SV2C: variants seen among roughly 807,000 people sequenced by gnomAD.
SV2C encodes synaptic vesicle glycoprotein 2C.
Under a neutral mutation model 79.7 loss-of-function variants are expected in SV2C, and 49 were observed. That is an observed-to-expected ratio of 0.61 (90% confidence interval 0.49 to 0.78). The LOEUF (loss-of-function observed/expected upper bound fraction) is 0.78. Ranked by LOEUF, SV2C falls within the 30% of genes least tolerant of loss-of-function variation. The pLI, the probability that SV2C is intolerant of heterozygous loss-of-function variation, is 0.00. For synonymous variants in SV2C, 334 were observed against 333.2 expected (o/e 1.00, Z -0.03); for missense variants, 833 against 912.9 (o/e 0.91, Z 1.13).
intron 1 of SV2C, among the ~76,000 whole-genome samples, chr5:76,100,898 C>G (rs991931279): frequency 3.3e-5 from 5 of 152,212 alleles, no homozygotes; most frequent in African/African-American, 9.6e-5. Flanking sequence ...ATGACAGTAG[C>G]ATTTTCCCCT....
chr5:76,065,200 T>G, the SV2C span, among the ~76,000 whole-genome samples: 1 of 152,230 alleles, frequency 6.6e-6, no homozygotes, highest in Non-Finnish European at 1.5e-5. Flanking sequence ...GAAACTTTTG[T>G]GGTTTTTAAA....
intron 2 of SV2C, among the ~76,000 whole-genome samples, chr5:76,154,146 C>T (rs1742653214): frequency 6.6e-6 from 1 of 152,190 alleles, no homozygotes; most frequent in South Asian, 2.1e-4. Flanking sequence ...ATCAATACAT[C>T]TCCCACTCAT....
the SV2C span, among the ~76,000 whole-genome samples, chr5:75,952,794 A>G: frequency 1.3e-5 from 2 of 151,980 alleles, no homozygotes; most frequent in Non-Finnish European, 2.9e-5. Flanking sequence ...TTTCTTTATA[A>G]TTACCCAGCC....
chr5:75,995,120 T>C, the SV2C span, among the ~76,000 whole-genome samples: 1 of 152,130 alleles, frequency 6.6e-6, no homozygotes, highest in Non-Finnish European at 1.5e-5. Flanking sequence ...GATTGGATGA[T>C]GCCTGCCTGC....
intron 4 of SV2C, among the ~76,000 whole-genome samples, chr5:76,219,153 C>G (rs1744991073): frequency 6.6e-6 from 1 of 152,164 alleles, no homozygotes; most frequent in South Asian, 2.1e-4. Context: ...GAGCCCTGTC[C>G]TCTCATCCTT....
chr5:76,238,045 CACACACACACACACACACACAT>C (rs1275639233), intron 4 of SV2C, among the ~76,000 whole-genome samples: 12 of 105,550 alleles, frequency 1.1e-4, no homozygotes, highest in African/African-American at 9.0e-4. Context: ...CACACACACA[CACACACACACACACACACACAT>C]ATATATACCT....
At chr5:75,939,386 A>C in the SV2C span, among the ~76,000 whole-genome samples, 2 of 151,784 alleles carry the variant, frequency 1.3e-5, no homozygotes, top group African/African-American at 4.8e-5. Context: ...AGACAGAGGA[A>C]TCTCTCTGAT....
At chr5:76,082,432 A>G (rs1747019111), upstream of SV2C, 1 of 151,816 alleles carries the variant, frequency 6.6e-6, no homozygotes, top group African/African-American at 2.4e-5. Flanking sequence ...GTTTCTGACA[A>G]CACAAGCAAA....
chr5:76,221,472 G>A (rs77096726), intron 4 of SV2C, among the ~76,000 whole-genome samples: 19,031 of 152,150 alleles, frequency 0.13, 1,477 homozygotes, highest in African/African-American at 0.22. Context: ...AATCCTTAGG[G>A]GTGCCGCCTG....
the SV2C span, among the ~76,000 whole-genome samples, chr5:75,933,344 A>G: frequency 6.6e-6 from 1 of 152,196 alleles, no homozygotes; most frequent in African/African-American, 2.4e-5. Context: ...ACTGGACAGC[A>G]AACTTCTCAA....
intron 1 of SV2C, among the ~76,000 whole-genome samples, chr5:76,125,789 G>A (rs60869443): frequency 0.012 from 1,774 of 152,274 alleles, 34 homozygotes; most frequent in African/African-American, 0.041. Context: ...CAGGTGCAGT[G>A]GCTCACACCT....
the SV2C span, among the ~76,000 whole-genome samples, chr5:75,984,560 TC>T: frequency 1.9e-5 from 1 of 51,318 alleles, no homozygotes; most frequent in Non-Finnish European, 4.6e-5. Context: ...TATCTATCTA[TC>T]TATCTATATC....
chr5:76,069,815 G>A, the SV2C span, among the ~76,000 whole-genome samples: 18 of 149,060 alleles, frequency 1.2e-4, no homozygotes, highest in Admixed American at 3.4e-4. Flanking sequence ...TCCAACCCCC[G>A]TTTCTCTCTC....
the SV2C span, among the ~76,000 whole-genome samples, chr5:75,904,022 T>C: frequency 7.9e-5 from 12 of 152,158 alleles, 1 homozygote; most frequent in East Asian, 1.2e-3. Context: ...TAAAATCTTC[T>C]GGGGGGTGGT....
At chr5:76,164,836 C>T (rs980193672) in intron 2 of SV2C, among the ~76,000 whole-genome samples, 10 of 151,660 alleles carry the variant, frequency 6.6e-5, no homozygotes, top group African/African-American at 1.9e-4. Context: ...TCAAAATCCA[C>T]AGATGCTCAA....
At chr5:75,969,467 G>A in the SV2C span, among the ~76,000 whole-genome samples, 1 of 152,044 alleles carries the variant, frequency 6.6e-6, no homozygotes, top group Non-Finnish European at 1.5e-5. Flanking sequence ...CAAAATAAAG[G>A]GATGGAGGAA....
intron 4 of SV2C, among the ~76,000 whole-genome samples, chr5:76,260,365 G>T (rs1746424742): frequency 6.6e-6 from 1 of 151,596 alleles, no homozygotes; most frequent in African/African-American, 2.4e-5. Flanking sequence ...TGGATAGATT[G>T]CAAAAATTTT....
chr5:76,073,503 G>GTGTGTATATA, the SV2C span, among the ~76,000 whole-genome samples: 2 of 67,412 alleles, frequency 3.0e-5, no homozygotes, highest in African/African-American at 1.3e-4. Flanking sequence ...GTATGTGTGT[G>GTGTGTATATA]TATATATATA....
chr5:75,865,180 C>G, the SV2C span, among the ~76,000 whole-genome samples: 5 of 152,150 alleles, frequency 3.3e-5, no homozygotes, highest in Non-Finnish European at 7.4e-5. Flanking sequence ...CTGGAATTGC[C>G]TGTTATAAGC....
Sources: allele counts gnomAD v4.1 joint callset (sites outside exome capture counted in the v4.1 genomes callset), GRCh38; gene constraint gnomAD v4.1.1; transcripts MANE v1.5; gene names NCBI Gene and HGNC (gene_info 2026-07-23, HGNC 2026-07-21).